The following PRKAR1B variants were observed in gnomAD, a reference collection of about 807,000 sequenced individuals.
The protein encoded by PRKAR1B is protein kinase cAMP-dependent type I regulatory subunit beta.
PRKAR1B carries 22 observed loss-of-function variants against 46.5 expected under a neutral mutation model. The observed-to-expected ratio is 0.47, with a 90% confidence interval of 0.34 to 0.68. The LOEUF (loss-of-function observed/expected upper bound fraction) is 0.68, where lower values mean the gene tolerates loss of function less well. PRKAR1B is among the 30% of genes least tolerant of loss of function. The pLI, the probability that PRKAR1B is intolerant of heterozygous loss-of-function variation, is 0.01. For missense variants in PRKAR1B, 445 were observed against 535.6 expected, an observed-to-expected ratio of 0.83 and a Z score of 1.67; for synonymous variants, 259 against 217.7, an observed-to-expected ratio of 1.19 and a Z score of -1.67.
At chr7:571,650 G>C (rs541289371) in intron 9 of PRKAR1B, among the ~76,000 whole-genome samples, 2 of 152,210 alleles carry the variant, frequency 1.3e-5, no homozygotes, top group East Asian at 1.9e-4. Context: ...GGATTTTTAC[G>C]GGGAACCGGC....
chr7:561,171 A>T (rs962913507), intron 9 of PRKAR1B, among the ~76,000 whole-genome samples: 8 of 151,748 alleles, frequency 5.3e-5, no homozygotes, highest in African/African-American at 1.9e-4. Context: ...ACACACGGGT[A>T]CGTGCATACA....
At chr7:554,365 G>A (rs1052221670) in intron 9 of PRKAR1B, among the ~76,000 whole-genome samples, 9 of 152,280 alleles carry the variant, frequency 5.9e-5, no homozygotes, top group African/African-American at 1.7e-4. Context: ...GCGGACAGAC[G>A]TCATCGATGC....
chr7:583,412 A>C (rs1457912244), intron 8 of PRKAR1B, among the ~76,000 whole-genome samples: 2 of 61,284 alleles, frequency 3.3e-5, no homozygotes, highest in Non-Finnish European at 6.9e-5. Context: ...ACGTGTGCAC[A>C]CCCACGCACA....
chr7:569,759 C>A (rs1308616890), intron 9 of PRKAR1B, among the ~76,000 whole-genome samples: 1 of 152,180 alleles, frequency 6.6e-6, no homozygotes, highest in Non-Finnish European at 1.5e-5. Flanking sequence ...GGACAGCAGG[C>A]AGGGTGAGGC....
intron 4 of PRKAR1B, among the ~76,000 whole-genome samples, chr7:632,825 G>A (rs911711995): frequency 6.8e-6 from 1 of 146,578 alleles, no homozygotes; most frequent in Admixed American, 7.0e-5. Context: ...CAACAGGTCT[G>A]GGACTCTACG....
intron 8 of PRKAR1B, among the ~76,000 whole-genome samples, chr7:583,684 C>T (rs991331539): frequency 3.9e-5 from 5 of 127,042 alleles, no homozygotes; most frequent in South Asian, 2.3e-4. Context: ...ACAACCCACA[C>T]GGTGCACTCA....
At chr7:554,861 C>T (rs570647334) in intron 9 of PRKAR1B, among the ~76,000 whole-genome samples, 37 of 152,264 alleles carry the variant, frequency 2.4e-4, no homozygotes, top group Admixed American at 5.2e-4. Flanking sequence ...CCCACAGAGC[C>T]GGAAGATAGG....
intron 6 of PRKAR1B, among the ~76,000 whole-genome samples, chr7:604,652 C>T (rs570250005): frequency 1.8e-4 from 28 of 152,344 alleles, no homozygotes; most frequent in African/African-American, 6.7e-4. Flanking sequence ...TGCTCAGGTT[C>T]CCAGAAACAC....
At chr7:661,138 G>A (rs1251664325) in intron 4 of PRKAR1B, among the ~76,000 whole-genome samples, 1 of 31,484 alleles carries the variant, frequency 3.2e-5, no homozygotes, top group Non-Finnish European at 5.7e-5. Context: ...ACCCCAACGG[G>A]TCCAAATACC....
At chr7:607,986 G>A (rs1163884674) in intron 4 of PRKAR1B, 1 of 156,288 alleles carries the variant, frequency 6.4e-6, no homozygotes, top group African/African-American at 2.4e-5. Context: ...CGGTGAGGCC[G>A]AGTCTCAGGG....
intron 2 of PRKAR1B, among the ~76,000 whole-genome samples, chr7:689,963 G>A (rs568575141): frequency 1.3e-5 from 2 of 150,752 alleles, no homozygotes; most frequent in East Asian, 2.1e-4. Flanking sequence ...TTACAGGCAT[G>A]AGCCACCGCG....
chr7:705,304 A>AT (rs1780265959), intron 2 of PRKAR1B, among the ~76,000 whole-genome samples: 2 of 147,398 alleles, frequency 1.4e-5, no homozygotes, highest in African/African-American at 5.1e-5. Context: ...CTCTGTCTCA[A>AT]TTAAAAAAAA....
intron 2 of PRKAR1B, among the ~76,000 whole-genome samples, chr7:685,479 A>G (rs1382355138): frequency 1.4e-5 from 2 of 147,646 alleles, no homozygotes; most frequent in African/African-American, 5.0e-5. Context: ...TAAAATAGAA[A>G]CTTGTCAGAA....
Position 579,108 on chromosome 7 carries a change from C to A in PRKAR1B, c.891+148G>T, listed in dbSNP as rs1780033207. ...CAGGAATGTGAGGCCACAGACCACC[C>A]ACCCCATGGAGGCCCCGGACGGGCG... On this transcript the variant is annotated intron_variant, in intron 9 of 10. Transcript: ENST00000537384. 1.5e-5 allele frequency: 23 copies of A among 1,533,206 alleles called. No individual in the cohort carries two copies. In the South Asian group the frequency reaches 2.7e-4, roughly 18 times the overall value. The allele number at this position is 1,533,206 out of a possible 1,614,324, so 95.0% of individuals were successfully genotyped here.
chr7:715,686 C>T (rs1439540332), intron 1 of PRKAR1B, among the ~76,000 whole-genome samples: 3 of 152,048 alleles, frequency 2.0e-5, no homozygotes, highest in Admixed American at 6.5e-5. Flanking sequence ...ACAGTGACCA[C>T]GCTTTGCAGA....
rs185104143 is a variant in PRKAR1B at position 634,877 on chromosome 7, C to T, written c.441-27425G>A. ...CTGGTTTCGAACTCCTGACCTCAAG[C>T]GATCCGCCCACCTCAGCCTCCCAAA... is the stretch of plus-strand genomic sequence containing the variant. On this transcript the variant is annotated intron_variant, in intron 4 of 10. Coordinates refer to ENST00000537384, the MANE Select transcript of PRKAR1B (RefSeq NM_001164760.2). Among the ~76,000 whole-genome samples the T allele has an allele frequency of 1.2e-3, 181 of 151,562 alleles. 2 individuals carry two copies. Among genetic ancestry groups the T allele is most frequent in the African/African-American group, 3.3e-3 (135 of 41,310 alleles).
chr7:724,907 A>G (rs1168304235), intron 1 of PRKAR1B, among the ~76,000 whole-genome samples: 2 of 152,250 alleles, frequency 1.3e-5, no homozygotes, highest in African/African-American at 4.8e-5. Flanking sequence ...AATATGCTAC[A>G]TAACAACTTT....
intron 9 of PRKAR1B, among the ~76,000 whole-genome samples, chr7:559,600 C>A (rs1474068696): frequency 1.3e-5 from 2 of 152,158 alleles, no homozygotes; most frequent in Non-Finnish European, 2.9e-5. Flanking sequence ...GTCTGGACAC[C>A]CCCCGGGAGG....
intron 6 of PRKAR1B, among the ~76,000 whole-genome samples, chr7:599,695 G>A (rs1293735183): frequency 6.6e-6 from 1 of 152,262 alleles, no homozygotes; most frequent in East Asian, 1.9e-4. Context: ...GCTCTGCCCT[G>A]CCCCCTGCCC....
Sources: allele counts gnomAD v4.1 joint callset (sites outside exome capture counted in the v4.1 genomes callset), GRCh38; gene constraint gnomAD v4.1.1; transcripts MANE v1.5; gene names NCBI Gene and HGNC (gene_info 2026-07-23, HGNC 2026-07-21).